Variants in RERE observed in about 807,000 individuals in gnomAD.
The protein encoded by RERE is arginine-glutamic acid dipeptide repeats.
In RERE, 40 loss-of-function variants were observed where a neutral mutation model predicts 146.1. The ratio of observed to expected loss-of-function variants is 0.27; its 90% CI spans 0.21 to 0.36. The LOEUF (loss-of-function observed/expected upper bound fraction) is 0.36. Among genes scored for constraint, RERE ranks in the 10% least tolerant of loss-of-function variants. The pLI, the probability that RERE is intolerant of heterozygous loss-of-function variation, is 1.00. For synonymous variants in RERE, 1,003 were observed against 866.0 expected (o/e 1.16, Z -2.78); for missense variants, 1,933 against 2,138.7 (o/e 0.90, Z 1.90).
intron 1 of RERE, chr1:8,786,659 T>C: frequency 5.1e-6 from 4 of 778,120 alleles, no homozygotes; most frequent in Non-Finnish European, 9.3e-6. Context: ...CCTCTGGTCC[T>C]GATGACAAAG....
At chr1:8,781,741 C>T (rs1641169575) in intron 1 of RERE, among the ~76,000 whole-genome samples, 1 of 150,828 alleles carries the variant, frequency 6.6e-6, no homozygotes, top group Admixed American at 6.7e-5. Flanking sequence ...AAATGTAAGG[C>T]CAATTTCTAC....
intron 10 of RERE, among the ~76,000 whole-genome samples, chr1:8,479,634 G>A (rs368652700): frequency 6.6e-6 from 1 of 152,160 alleles, no homozygotes. Flanking sequence ...GAAAGATGGG[G>A]CCACAGCCAA....
intron 9 of RERE, 116 bp downstream of exon 9, chr1:8,497,287 TAA>T (rs1343404382): frequency 9.0e-7 from 1 of 1,109,414 alleles, no homozygotes; most frequent in Non-Finnish European, 1.3e-6. Context: ...TAACCAAACT[TAA>T]AGTCAGAGAA....
At chr1:8,742,803 G>A (rs1056180600) in intron 1 of RERE, among the ~76,000 whole-genome samples, 4 of 151,490 alleles carry the variant, frequency 2.6e-5, no homozygotes, top group Non-Finnish European at 5.9e-5. Flanking sequence ...GGGAGGTTGA[G>A]GCTACACTGA....
chr1:8,402,631 G>C (rs536162867), intron 12 of RERE, among the ~76,000 whole-genome samples: 35 of 152,062 alleles, frequency 2.3e-4, no homozygotes, highest in Non-Finnish European at 5.9e-5. Flanking sequence ...GGTTCAGTTC[G>C]GTAATATTCC....
chr1:8,634,567 A>G (rs1328098430), intron 2 of RERE, among the ~76,000 whole-genome samples: 1 of 152,180 alleles, frequency 6.6e-6, no homozygotes, highest in African/African-American at 2.4e-5. Flanking sequence ...TGTTTGCTTT[A>G]GTTTATATAA....
chr1:8,806,447 C>T (rs1055786275), intron 1 of RERE, among the ~76,000 whole-genome samples: 1 of 152,052 alleles, frequency 6.6e-6, no homozygotes, highest in African/African-American at 2.4e-5. Context: ...AGCAGAATTG[C>T]TTCAGCCCAG....
chr1:8,766,940 ATATT>A (rs556773710), intron 1 of RERE, among the ~76,000 whole-genome samples: 86 of 152,362 alleles, frequency 5.6e-4, no homozygotes, highest in African/African-American at 2.0e-3. Flanking sequence ...GTAGAACTGG[ATATT>A]TAAACAGAAT....
chr1:8,383,741 C>T (rs138958063), intron 12 of RERE, among the ~76,000 whole-genome samples: 483 of 152,150 alleles, frequency 3.2e-3, no homozygotes, highest in Non-Finnish European at 5.0e-3. Context: ...CACCTGTACT[C>T]CCAGCTACTT....
chr1:8,814,587 T>C (rs1338494268), intron 1 of RERE, among the ~76,000 whole-genome samples: 3 of 152,210 alleles, frequency 2.0e-5, no homozygotes, highest in African/African-American at 7.2e-5. Context: ...TTAGTGAGAT[T>C]TCCCTCCTTC....
At chr1:8,638,931 G>A (rs149105095) in intron 2 of RERE, among the ~76,000 whole-genome samples, 1,729 of 151,422 alleles carry the variant, frequency 0.011, 15 homozygotes, top group Non-Finnish European at 0.018. Context: ...CCGCCAACAC[G>A]CCCGGCTAAT....
At chr1:8,373,409 C>G (rs1642118681) in intron 12 of RERE, among the ~76,000 whole-genome samples, 1 of 151,936 alleles carries the variant, frequency 6.6e-6, no homozygotes, top group Non-Finnish European at 1.5e-5. Context: ...GAAATCCACC[C>G]CTTCCTTACT....
chr1:8,584,126 C>T (rs747141710), intron 4 of RERE, among the ~76,000 whole-genome samples: 74 of 152,010 alleles, frequency 4.9e-4, no homozygotes, highest in South Asian at 1.5e-3. Flanking sequence ...AAAATTAAGA[C>T]TAAACCCGAA....
At chr1:8,698,154 C>G (rs1193666672) in intron 1 of RERE, among the ~76,000 whole-genome samples, 1 of 152,130 alleles carries the variant, frequency 6.6e-6, no homozygotes, top group African/African-American at 2.4e-5. Flanking sequence ...TTGAGTGATA[C>G]AGATCGGCAG....
intron 7 of RERE, among the ~76,000 whole-genome samples, chr1:8,525,534 G>A (rs1358124429): frequency 8.5e-5 from 13 of 152,204 alleles, no homozygotes; most frequent in Admixed American, 5.9e-4. Flanking sequence ...AGAGGGACCC[G>A]CAAAGCTTCA....
At chr1:8,441,006 T>G in intron 11 of RERE, among the ~76,000 whole-genome samples, 1 of 58,884 alleles carries the variant, frequency 1.7e-5, no homozygotes, top group Non-Finnish European at 3.2e-5. Context: ...TTTTTGTTTT[T>G]CGGGGGGGTG....
At chr1:8,555,335 C>T (rs1349330236) in intron 6 of RERE, among the ~76,000 whole-genome samples, 4 of 152,192 alleles carry the variant, frequency 2.6e-5, no homozygotes, top group Non-Finnish European at 5.9e-5. Context: ...TTGTCTATTG[C>T]TTTTATGCCA....
chr1:8,629,843 C>T (rs1251869320), intron 2 of RERE, among the ~76,000 whole-genome samples: 1 of 152,218 alleles, frequency 6.6e-6, no homozygotes, highest in Non-Finnish European at 1.5e-5. Flanking sequence ...CATCCCTTTG[C>T]AAAGCATGGC....
intron 1 of RERE, among the ~76,000 whole-genome samples, chr1:8,657,168 G>A (rs1638338879): frequency 6.6e-6 from 1 of 152,036 alleles, no homozygotes; most frequent in Non-Finnish European, 1.5e-5. Flanking sequence ...AGCTGGGTGT[G>A]GTGGCGGGCG....
Sources: gnomAD v4.1 joint callset for allele counts (sites outside exome capture counted in the v4.1 genomes callset) on GRCh38, gnomAD v4.1.1 for gene constraint, MANE v1.5 for transcripts, NCBI Gene and HGNC (gene_info 2026-07-23, HGNC 2026-07-21) for gene names.